Variants in MAPKAP1 observed in about 807,000 individuals in gnomAD.
MAPKAP1 encodes target of rapamycin complex 2 subunit MAPKAP1.
A neutral mutation model predicts 65.7 loss-of-function variants in MAPKAP1; 20 were observed. The observed-to-expected ratio is 0.30, with a 90% confidence interval of 0.21 to 0.44. MAPKAP1 has a LOEUF of 0.44. MAPKAP1 is among the 20% of genes least tolerant of loss of function. MAPKAP1 has a pLI of 1.00. For missense variants in MAPKAP1, 423 were observed against 648.0 expected, an observed-to-expected ratio of 0.65 and a Z score of 3.77; for synonymous variants, 222 against 244.3, an observed-to-expected ratio of 0.91 and a Z score of 0.85.
chr9:125,685,405 C>A lies in MAPKAP1; in HGVS notation c.-69-12762G>T, dbSNP rs559722266. Among the ~76,000 whole-genome samples the A allele has an allele frequency of 4.6e-5, 7 of 152,338 alleles. No individual in the cohort carries two copies. In the East Asian group the frequency reaches 1.4e-3, roughly 29 times the overall value. ...CAAGCAGAGGGGAACATGCCTCACACTGCTCAAGGAGCAGCAAGGAGTCCG... is the reference window on the plus strand; with the variant it reads ...CAAGCAGAGGGGAACATGCCTCACAATGCTCAAGGAGCAGCAAGGAGTCCG... On this transcript the variant is annotated intron_variant, in intron 1 of 11. Transcript: ENST00000265960.
chr9:125,623,021 C>T (rs1377031119), intron 4 of MAPKAP1, among the ~76,000 whole-genome samples: 3 of 151,840 alleles, frequency 2.0e-5, no homozygotes, highest in African/African-American at 7.2e-5. Flanking sequence ...CGGTCTCCAG[C>T]CCCTAACCGC....
intron 6 of MAPKAP1, among the ~76,000 whole-genome samples, chr9:125,548,839 T>TATA (rs1830502934): frequency 6.6e-6 from 1 of 152,206 alleles, no homozygotes; most frequent in Non-Finnish European, 1.5e-5. Context: ...AGATAGGTGT[T>TATA]ATTATGAGTT....
intron 4 of MAPKAP1, among the ~76,000 whole-genome samples, chr9:125,640,673 T>C (rs1833552118): frequency 6.6e-6 from 1 of 152,240 alleles, no homozygotes; most frequent in Non-Finnish European, 1.5e-5. Context: ...CTCTTTTTAC[T>C]GACTAGTTAA....
intron 5 of MAPKAP1, among the ~76,000 whole-genome samples, chr9:125,577,060 A>G (rs1334002461): frequency 1.5e-4 from 21 of 140,874 alleles, no homozygotes; most frequent in African/African-American, 5.0e-4. Context: ...CCGCCATCCC[A>G]TCTAGGAAGT....
intron 7 of MAPKAP1, among the ~76,000 whole-genome samples, chr9:125,529,034 C>T (rs1369728722): frequency 6.6e-6 from 1 of 151,190 alleles, no homozygotes; most frequent in South Asian, 2.1e-4. Flanking sequence ...ATTAGCCGGG[C>T]GTGGTGGTGT....
At chr9:125,603,391 TC>T (rs1832360330) in intron 4 of MAPKAP1, among the ~76,000 whole-genome samples, 1 of 83,840 alleles carries the variant, frequency 1.2e-5, no homozygotes, top group Non-Finnish European at 2.8e-5. Context: ...AACAATGTGG[TC>T]CTTGGAGAGA....
chr9:125,489,589 G>T (rs1158488699), intron 8 of MAPKAP1, among the ~76,000 whole-genome samples: 3 of 152,064 alleles, frequency 2.0e-5, no homozygotes. Context: ...AGGTATGGAG[G>T]ACAAGCAGAA....
chr9:125,592,493 AG>A (rs1305740580), intron 4 of MAPKAP1, among the ~76,000 whole-genome samples: 3 of 152,330 alleles, frequency 2.0e-5, no homozygotes, highest in Admixed American at 1.3e-4. Context: ...TAAACTAAAA[AG>A]GAGATAAAAA....
chr9:125,518,024 T>G (rs759770903), intron 7 of MAPKAP1, among the ~76,000 whole-genome samples: 17 of 152,240 alleles, frequency 1.1e-4, no homozygotes, highest in Non-Finnish European at 2.2e-4. Context: ...TCTTTGTTGG[T>G]GCTTAATAAT....
intron 4 of MAPKAP1, chr9:125,596,609 G>C (rs778368037): frequency 6.0e-6 from 4 of 665,348 alleles, no homozygotes; most frequent in Non-Finnish European, 1.1e-5. Context: ...AGTAGCTACA[G>C]CAGTGGCAGA....
At chr9:125,601,792 C>G (rs1832306160) in intron 4 of MAPKAP1, among the ~76,000 whole-genome samples, 1 of 152,198 alleles carries the variant, frequency 6.6e-6, no homozygotes, top group African/African-American at 2.4e-5. Context: ...CGTGAAATAA[C>G]TGGGATAGTT....
At chr9:125,669,134 G>A (rs555221464) in intron 3 of MAPKAP1, among the ~76,000 whole-genome samples, 132 of 142,524 alleles carry the variant, frequency 9.3e-4, no homozygotes, top group African/African-American at 3.2e-3. Flanking sequence ...GAGCCGAGAT[G>A]GCACCACTGC....
At position 125,543,162 on chromosome 9, in the gene MAPKAP1, A is replaced by C; in HGVS notation, c.855T>G (p.Ala285=). 6.2e-7 allele frequency: 1 copy of C among 1,603,248 alleles called. No individual in the cohort carries two copies. The change falls in exon 7 of 12, where the codon GCT becomes GCG. Residue 285 remains alanine, a synonymous_variant. Coordinates refer to ENST00000265960, the MANE Select transcript of MAPKAP1 (RefSeq NM_001006617.3). The part of the protein sequence containing the change: ...SKESLFVRIN[A]AHGFSLIQVD... Reference sequence around the variant, plus strand: ...CCTGAATAAGGGAGAATCCATGAGCAGCATTTCTGTAGGAAAAGACAAATA... The same window carrying C: ...CCTGAATAAGGGAGAATCCATGAGCCGCATTTCTGTAGGAAAAGACAAATA...
At chr9:125,591,265 G>T (rs867348157) in intron 4 of MAPKAP1, among the ~76,000 whole-genome samples, 2 of 152,098 alleles carry the variant, frequency 1.3e-5, no homozygotes, top group Admixed American at 6.5e-5. Flanking sequence ...ACTCTTCAAG[G>T]CTTGAAAATC....
At chr9:125,604,564 T>C (rs2131617285) in intron 4 of MAPKAP1, among the ~76,000 whole-genome samples, 1 of 152,352 alleles carries the variant, frequency 6.6e-6, no homozygotes, top group Non-Finnish European at 1.5e-5. Flanking sequence ...GAGCAACACA[T>C]TTTCATACAT....
In MAPKAP1 at chr9:125,447,484, A is replaced by G; in HGVS notation, c.1346-2886T>C. The G allele has an allele frequency of 2.2e-6, 1 of 456,606 alleles. No homozygotes were observed. Among genetic ancestry groups the G allele is most frequent in the South Asian group, 1.5e-5 (1 of 64,572 alleles). 28.3% of individuals were successfully genotyped at this position (456,606 alleles called of 1,614,324 possible). ...GCTCTCTGCAAGGAGTGATGAGCGG[A>G]ACCCTGGGGGGCAAGGGCAGGTTAA... On this transcript the variant is annotated intron_variant, in intron 10 of 11. Coordinates refer to ENST00000265960, the MANE Select transcript of MAPKAP1 (RefSeq NM_001006617.3). This position sits in a 1 kb window ranked among gnomAD's most constrained non-coding sequence, Gnocchi z 4.5.
At chr9:125,588,332 T>C (rs1831850920) in intron 4 of MAPKAP1, among the ~76,000 whole-genome samples, 1 of 152,170 alleles carries the variant, frequency 6.6e-6, no homozygotes, top group Non-Finnish European at 1.5e-5. Flanking sequence ...AACCCATTTA[T>C]ATGAACTGTT....
At chr9:125,544,905 G>A (rs537581451) in intron 6 of MAPKAP1, among the ~76,000 whole-genome samples, 3 of 152,308 alleles carry the variant, frequency 2.0e-5, no homozygotes, top group Admixed American at 6.5e-5. Context: ...GCTGGGGGCC[G>A]ATCTCAAAAC....
intron 4 of MAPKAP1, chr9:125,596,752 G>A: frequency 4.1e-6 from 2 of 491,822 alleles, no homozygotes; most frequent in South Asian, 1.6e-5. Flanking sequence ...CTGCTACAAA[G>A]AAGACATGTT....
Sources: allele counts gnomAD v4.1 joint callset (sites outside exome capture counted in the v4.1 genomes callset), GRCh38; gene constraint gnomAD v4.1.1; non-coding constraint Gnocchi (gnomAD v3.1); transcripts MANE v1.5; gene names NCBI Gene and HGNC (gene_info 2026-07-23, HGNC 2026-07-21).